FAM168A: variants seen among roughly 807,000 people sequenced by gnomAD.
FAM168A encodes the protein protein FAM168A.
FAM168A carries 3 observed loss-of-function variants against 28.5 expected under a neutral mutation model. The observed-to-expected ratio is 0.11, with a 90% CI of 0.05 to 0.27. The LOEUF is 0.27. Ranked by LOEUF, FAM168A falls within the 10% of genes least tolerant of loss-of-function variation. The pLI is 1.00. For synonymous variants in FAM168A, 122 were observed against 124.2 expected (o/e 0.98, Z 0.12); for missense variants, 222 against 311.5 (o/e 0.71, Z 2.16).
rs138806934 is a variant in FAM168A, at chr11:73,448,327, T to G, written c.71-17557A>C. ...TCCCAAAGTGCTGGGATTACAGGTG[T>G]GAGCCACCACGCCCAGCCCCATGTA... On this transcript the variant is annotated intron_variant, in intron 2 of 7. Coordinates refer to ENST00000356467, the MANE Select transcript of FAM168A (RefSeq NM_015159.3). Among the ~76,000 whole-genome samples, 61 of 152,218 alleles carry G rather than the reference T, an allele frequency of 4.0e-4. 1 individual carries two copies. The highest frequency in any genetic ancestry group is 1.4e-3 in the African/African-American group (60 of 41,526).
chr11:73,442,038 T>G (rs1867204641), intron 2 of FAM168A, among the ~76,000 whole-genome samples: 1 of 152,158 alleles, frequency 6.6e-6, no homozygotes, highest in Admixed American at 6.5e-5. Context: ...TGTCCTTTCC[T>G]GTACTTGATT....
chr11:73,517,613 C>T lies in FAM168A; in HGVS notation c.-18-49121G>A, dbSNP rs1406797505. 2.0e-5 allele frequency among the ~76,000 whole-genome samples: 3 copies of T among 152,088 alleles called. No homozygotes were observed. The East Asian group carries it at 5.8e-4, about 29-fold the overall frequency. ...AGTTCTTCGGAAGGTACACTCCTAA[C>T]ATGCAGAAATAAATACTTCTGTCTC... is the stretch of plus-strand genomic sequence containing the variant. On this transcript the variant is annotated intron_variant, in intron 1 of 7. Transcript: ENST00000356467.
At chr11:73,572,891 A>C (rs961088424) in intron 1 of FAM168A, among the ~76,000 whole-genome samples, 1 of 152,146 alleles carries the variant, frequency 6.6e-6, no homozygotes, top group East Asian at 1.9e-4. Flanking sequence ...TAAATAAATA[A>C]ATAATTAATT....
intron 1 of FAM168A, among the ~76,000 whole-genome samples, chr11:73,533,586 A>T (rs561337908): frequency 2.6e-5 from 4 of 152,118 alleles, no homozygotes; most frequent in Non-Finnish European, 1.5e-5. Context: ...AATTCAAAAC[A>T]ACCACAAAAA....
At chr11:73,559,021 G>A (rs986115566) in intron 1 of FAM168A, among the ~76,000 whole-genome samples, 2 of 152,064 alleles carry the variant, frequency 1.3e-5, no homozygotes, top group South Asian at 2.1e-4. Context: ...TCACAATAGC[G>A]AAAGATAGAA....
At chr11:73,484,750 A>C (rs747822694) in intron 1 of FAM168A, among the ~76,000 whole-genome samples, 1 of 148,326 alleles carries the variant, frequency 6.7e-6, no homozygotes, top group Non-Finnish European at 1.5e-5. Context: ...AGATATATAG[A>C]TATATAGGAA....
intron 3 of FAM168A, among the ~76,000 whole-genome samples, chr11:73,421,405 C>A: frequency 6.6e-6 from 1 of 152,086 alleles, no homozygotes; most frequent in East Asian, 1.9e-4. Context: ...GCATTAATGG[C>A]CAGCAATATA....
intron 2 of FAM168A, among the ~76,000 whole-genome samples, chr11:73,462,604 G>A (rs115063262): frequency 0.016 from 2,423 of 152,228 alleles, 64 homozygotes; most frequent in African/African-American, 0.056. Context: ...GGCTGAGAGC[G>A]GTGGCTCATA....
At chr11:73,473,350 G>A (rs1867841452) in intron 1 of FAM168A, among the ~76,000 whole-genome samples, 2 of 152,008 alleles carry the variant, frequency 1.3e-5, no homozygotes, top group African/African-American at 2.4e-5. Context: ...TACTAGGTTC[G>A]CCTCTGGAAC....
chr11:73,464,758 T>G (rs919030912), intron 2 of FAM168A, among the ~76,000 whole-genome samples: 4 of 152,234 alleles, frequency 2.6e-5, no homozygotes, highest in African/African-American at 9.6e-5. Context: ...TTTAGAATTA[T>G]TTTCTAATTG....
chr11:73,408,888 A>C (rs1336596847), intron 6 of FAM168A, among the ~76,000 whole-genome samples: 2 of 151,974 alleles, frequency 1.3e-5, no homozygotes, highest in African/African-American at 4.8e-5. Context: ...CTAATAAAGA[A>C]CATTGCCCCT....
intron 1 of FAM168A, chr11:73,580,311 CCA>C (rs1944228285): frequency 3.5e-6 from 2 of 570,640 alleles, no homozygotes; most frequent in African/African-American, 3.8e-5. Flanking sequence ...GAAGGATGAA[CCA>C]CAGAGAAGAT....
chr11:73,485,827 G>A (rs1327374345), intron 1 of FAM168A, among the ~76,000 whole-genome samples: 2 of 151,324 alleles, frequency 1.3e-5, no homozygotes, highest in Admixed American at 1.3e-4. Flanking sequence ...AGCAAAGTCA[G>A]TAGCTACTAC....
rs151044737 is a variant in FAM168A, at chr11:73,460,175, C to T, written c.70+8230G>A. On this transcript the variant is annotated intron_variant, in intron 2 of 7. Transcript: ENST00000356467. ...GATTACAGGCGTGAGCCACCGCACC[C>T]GGCCTCCAAATGAAATTTTTATTCA... Among the ~76,000 whole-genome samples, 326 of 152,126 alleles carry T rather than the reference C, an allele frequency of 2.1e-3. 1 individual carries two copies. Among genetic ancestry groups the T allele is most frequent in the African/African-American group, 7.4e-3 (306 of 41,492 alleles).
At chr11:73,433,840 C>CTTT (rs34260175) in intron 2 of FAM168A, among the ~76,000 whole-genome samples, 75 of 83,316 alleles carry the variant, frequency 9.0e-4, no homozygotes, top group East Asian at 1.7e-3. Context: ...AGGGTAGGCC[C>CTTT]TTTTTTTTTT....
chr11:73,417,503 A>C (rs1349170157), intron 4 of FAM168A, among the ~76,000 whole-genome samples: 1 of 151,476 alleles, frequency 6.6e-6, no homozygotes, highest in South Asian at 2.1e-4. Context: ...ACGTATGTTC[A>C]TTCATTCTAC....
At chr11:73,505,832 G>A (rs1855106683) in intron 1 of FAM168A, among the ~76,000 whole-genome samples, 1 of 152,126 alleles carries the variant, frequency 6.6e-6, no homozygotes, top group Non-Finnish European at 1.5e-5. Flanking sequence ...ACCTGGAGTT[G>A]AATTCAGGAC....
chr11:73,419,950 G>A lies in FAM168A; in HGVS notation c.201C>T (p.Gly67=). ...CTGGGAGGTGGAAGGTGCCTTCAGT[G>A]CCACAGGAAGACGAGTTCTGTGGCC... ...QAWPQNSSSC[G]TEGTFHLPVD... The change falls in exon 4 of 8, where the codon GGC becomes GGT. Residue 67 remains glycine, a synonymous_variant. Coordinates refer to ENST00000356467, the MANE Select transcript of FAM168A (RefSeq NM_015159.3). 6.2e-7 allele frequency: 1 copy of A among 1,614,004 alleles called. No individual in the cohort carries two copies. The highest frequency in any genetic ancestry group is 8.5e-7 in the Non-Finnish European group (1 of 1,179,906).
At chr11:73,490,951 T>C (rs1227181751) in intron 1 of FAM168A, among the ~76,000 whole-genome samples, 1 of 152,192 alleles carries the variant, frequency 6.6e-6, no homozygotes, top group Non-Finnish European at 1.5e-5. Flanking sequence ...ATCACTCTTC[T>C]CCACACTTTT....
Sources: allele counts gnomAD v4.1 joint callset (sites outside exome capture counted in the v4.1 genomes callset), GRCh38; gene constraint gnomAD v4.1.1; transcripts MANE v1.5; gene names NCBI Gene and HGNC (gene_info 2026-07-23, HGNC 2026-07-21).